Variants in GPR107 observed in about 807,000 individuals in gnomAD.
The protein encoded by GPR107 is G protein-coupled receptor 107, also known as protein GPR107.
A neutral mutation model predicts 75.5 loss-of-function variants in GPR107; 31 were observed. That is an observed-to-expected ratio of 0.41 (90% CI 0.31 to 0.55). The LOEUF (loss-of-function observed/expected upper bound fraction) is 0.55. Among genes scored for constraint, GPR107 ranks in the 20% least tolerant of loss-of-function variants. The pLI, the probability that GPR107 is intolerant of heterozygous loss-of-function variation, is 0.26. For missense variants in GPR107, 572 were observed against 665.7 expected (o/e 0.86, Z 1.55); for synonymous variants, 267 against 251.3 (o/e 1.06, Z -0.59).
At chr9:130,121,243 A>C (rs185774551) in intron 14 of GPR107, among the ~76,000 whole-genome samples, 28 of 152,172 alleles carry the variant, frequency 1.8e-4, no homozygotes, top group Non-Finnish European at 3.4e-4. Context: ...AGCAGTGTCC[A>C]ATCTTTTGGC....
At chr9:130,057,563 A>G (rs889471117) in intron 1 of GPR107, among the ~76,000 whole-genome samples, 3 of 151,770 alleles carry the variant, frequency 2.0e-5, no homozygotes, top group Admixed American at 2.0e-4. Context: ...TTTCCAATAT[A>G]CTAAAGCAGA....
intron 1 of GPR107, among the ~76,000 whole-genome samples, chr9:130,071,891 G>T (rs534087175): frequency 1.3e-5 from 2 of 152,122 alleles, no homozygotes; most frequent in East Asian, 3.9e-4. Context: ...CACCATGTTG[G>T]CCAGGCTGGT....
intron 1 of GPR107, among the ~76,000 whole-genome samples, chr9:130,054,867 A>G (rs760908168): frequency 4.6e-5 from 7 of 152,192 alleles, no homozygotes; most frequent in Non-Finnish European, 8.8e-5. Context: ...GTTTGAGCCC[A>G]GGAGTTCGAG....
At position 130,132,717 on chromosome 9, in the gene GPR107, C is replaced by T. The variant is rs186399145; in HGVS notation, c.1563-2308C>T. ...ACGAGAATCACTTGAACCCAGGAGA[C>T]GGAGGTTGCAGTGAGTCGAGATGGC... On this transcript the variant is annotated intron_variant, in intron 17 of 17. Transcript: ENST00000347136. 9.0e-4 allele frequency among the ~76,000 whole-genome samples: 136 copies of T among 151,826 alleles called. 1 individual carries two copies. The East Asian group carries it at 0.017, about 19-fold the overall frequency.
intron 1 of GPR107, among the ~76,000 whole-genome samples, chr9:130,054,603 A>T (rs150599892): frequency 6.6e-6 from 1 of 152,330 alleles, no homozygotes; most frequent in East Asian, 1.9e-4. Context: ...GAGAATGTAA[A>T]GCCAGCATTA....
rs1010775244 is a variant in GPR107, at chr9:130,128,910, C to T, written c.1562+149C>T. 7.2e-6 allele frequency: 5 copies of T among 693,826 alleles called. No individual in the cohort carries two copies. In the South Asian group the frequency reaches 9.0e-5, roughly 12 times the overall value. 43.0% of individuals were successfully genotyped at this position (693,826 alleles called of 1,614,324 possible). ...AGCAGAAGGAAGCGGACACTGGAGC[C>T]CCAGGCTGTCTGATCTGGTTTGAAG... is the stretch of plus-strand genomic sequence containing the variant. On this transcript the variant is annotated intron_variant, in intron 17 of 17. Coordinates refer to ENST00000347136, the MANE Select transcript of GPR107 (RefSeq NM_020960.5).
intron 17 of GPR107, chr9:130,133,125 G>A (rs922081626): frequency 6.6e-6 from 1 of 152,188 alleles, no homozygotes; most frequent in African/African-American, 2.4e-5. Flanking sequence ...TGCTGTGGAA[G>A]ACCATCTCTT....
chr9:130,129,969 G>C (rs377130924), intron 17 of GPR107: 1 of 152,256 alleles, frequency 6.6e-6, no homozygotes, highest in African/African-American at 2.4e-5. Context: ...ACATCTTGGA[G>C]CCTGGATGCA....
At chr9:130,089,823 A>C (rs1830693247) in intron 7 of GPR107, among the ~76,000 whole-genome samples, 1 of 152,118 alleles carries the variant, frequency 6.6e-6, no homozygotes. Context: ...ATTCCAGCTC[A>C]TGTGTTCTTG....
intron 14 of GPR107, among the ~76,000 whole-genome samples, chr9:130,114,253 C>G (rs1034379222): frequency 1.3e-5 from 2 of 151,768 alleles, no homozygotes; most frequent in Non-Finnish European, 2.9e-5. Context: ...CCTGTAATCC[C>G]AGCTACTCGA....
chr9:130,077,345 T>C lies in GPR107; in HGVS notation c.353T>C (p.Val118Ala). The C allele has an allele frequency of 1.3e-6, 2 of 1,572,754 alleles. No homozygotes were observed. The highest frequency in any genetic ancestry group is 1.8e-6 in the Non-Finnish European group (2 of 1,142,184). Residue 118 changes from valine to alanine, a missense_variant, in exon 4 of 18, where the codon GTC becomes GCC. Transcript: ENST00000347136. ...ATTTTAAAGAAACAGTCTGTCTCTG[T>C]CACCCTTTTAATCCTAGACATCTCC... is the stretch of plus-strand genomic sequence containing the variant. ...YCILKKQSVS[V>A]TLLILDISRS...
Position 130,124,966 on chromosome 9 carries a change from T to G in GPR107, c.1356+2T>G. On this transcript the variant is annotated splice_donor_variant, in intron 15 of 17. Coordinates refer to ENST00000347136, the MANE Select transcript of GPR107 (RefSeq NM_020960.5). LOFTEE classifies it high-confidence loss of function. ...CTTTTCAGACATTATTACGTCTTGG[T>G]AAGTAAAAAAAAAAAAAATCCTCAA... 7.8e-7 allele frequency: 1 copy of G among 1,274,742 alleles called. No individual in the cohort carries two copies. Among genetic ancestry groups the G allele is most frequent in the Admixed American group, 2.9e-5 (1 of 34,028 alleles). 79.0% of individuals were successfully genotyped at this position (1,274,742 alleles called of 1,614,324 possible). A position where few individuals can be genotyped will look rare whatever the true frequency, so the allele number is the denominator to read the frequency against.
intron 6 of GPR107, among the ~76,000 whole-genome samples, chr9:130,084,182 G>A (rs1830560088): frequency 6.6e-6 from 1 of 151,320 alleles, no homozygotes; most frequent in Non-Finnish European, 1.5e-5. Context: ...GGGATCACTT[G>A]AGATCAGGAG....
At chr9:130,095,569 A>G (rs761653025) in intron 9 of GPR107, among the ~76,000 whole-genome samples, 170 of 152,004 alleles carry the variant, frequency 1.1e-3, no homozygotes, top group Non-Finnish European at 1.5e-3. Context: ...TTATTTTTGT[A>G]TTTTTAGTAG....
Position 130,124,028 on chromosome 9 carries a change from C to T in GPR107, c.1307-887C>T, listed in dbSNP as rs180766970. Among the ~76,000 whole-genome samples, 9 of 152,242 alleles carry T rather than the reference C, an allele frequency of 5.9e-5. No homozygotes were observed. In the East Asian group the frequency reaches 1.7e-3, roughly 29 times the overall value. On this transcript the variant is annotated intron_variant, in intron 14 of 17. Transcript: ENST00000347136. ...TCTTGTAGATTCTGTTAGTGATGTTCATCTTGAAGATAATTTAGGATTACA... is the reference window on the plus strand; with the variant it reads ...TCTTGTAGATTCTGTTAGTGATGTTTATCTTGAAGATAATTTAGGATTACA...
intron 5 of GPR107, among the ~76,000 whole-genome samples, chr9:130,081,017 T>C (rs1830483841): frequency 1.3e-5 from 2 of 150,396 alleles, no homozygotes; most frequent in South Asian, 4.2e-4. Flanking sequence ...TGTACCAGCC[T>C]GAGCAACATA....
At chr9:130,081,960 G>A (rs535680768) in intron 5 of GPR107, among the ~76,000 whole-genome samples, 4 of 152,210 alleles carry the variant, frequency 2.6e-5, no homozygotes, top group East Asian at 3.9e-4. Context: ...GCATGGCGCC[G>A]GAATCTACTC....
rs1436667109 is a variant in GPR107 at position 130,098,405 on chromosome 9, G to C, written c.864-1052G>C. Among the ~76,000 whole-genome samples the C allele has an allele frequency of 1.7e-4, 26 of 152,144 alleles. 1 individual carries two copies. The highest frequency in any genetic ancestry group is 1.7e-3 in the Admixed American group (26 of 15,264). ...CACTTTCTCCTCACACATCCCTACT[G>C]CTGGCTCCCAGTCCCCCTACTCTGG... On this transcript the variant is annotated intron_variant, in intron 9 of 17. Transcript: ENST00000347136.
chr9:130,069,984 C>CTTTTTTT lies in GPR107; in HGVS notation c.142-5631_142-5625dup, dbSNP rs1045979986. On this transcript the variant is annotated intron_variant, in intron 1 of 17. Coordinates refer to ENST00000347136, the MANE Select transcript of GPR107 (RefSeq NM_020960.5). The stretch of plus-strand genomic sequence containing the variant: ...AGGCATAAGCCACCGTGCCTGGCCT[C>CTTTTTTT]TTTTTTTTTTTTTTTTTTTTTTTTT... Among the ~76,000 whole-genome samples, 16 of 45,404 alleles carry CTTTTTTT rather than the reference C, an allele frequency of 3.5e-4. 1 individual carries two copies. The highest frequency in any genetic ancestry group is 2.2e-3 in the South Asian group (2 of 906). The allele number at this position is 45,404 out of a possible 152,430, so 29.8% of individuals were successfully genotyped here.
Sources: gnomAD v4.1 joint callset for allele counts (sites outside exome capture counted in the v4.1 genomes callset) on GRCh38, gnomAD v4.1.1 for gene constraint, MANE v1.5 for transcripts, NCBI Gene and HGNC (gene_info 2026-07-23, HGNC 2026-07-21) for gene names.